The following NFIC variants were observed in gnomAD, a reference collection of about 807,000 sequenced individuals.
NFIC encodes nuclear factor 1 C-type.
A neutral mutation model predicts 54.4 loss-of-function variants in NFIC; 12 were observed. That is an observed-to-expected ratio of 0.22 (90% CI 0.14 to 0.36). The LOEUF is 0.36. Among genes scored for constraint, NFIC ranks in the 10% least tolerant of loss-of-function variants. The pLI is 1.00. For missense variants in NFIC, 575 were observed against 718.2 expected (o/e 0.80, Z 2.28); for synonymous variants, 322 against 319.2 (o/e 1.01, Z -0.09).
In NFIC at chr19:3,459,425, C is replaced by T. The variant is rs772046354; in HGVS notation, c.1509+2790C>T. Reference sequence around the variant, plus strand: ...TTCACGCCCCTACATTTCTCCTGCACGGGAACCCACGTAAGCAGCTGGGTA... The same window carrying T: ...TTCACGCCCCTACATTTCTCCTGCATGGGAACCCACGTAAGCAGCTGGGTA... On this transcript the variant is annotated intron_variant, in intron 10 of 10. Coordinates refer to ENST00000443272, the MANE Select transcript of NFIC (RefSeq NM_001245002.2). The surrounding 1 kb of genome is among the most constrained non-coding windows in gnomAD (Gnocchi z 4.2). Among the ~76,000 whole-genome samples the T allele has an allele frequency of 6.6e-6, 1 of 152,060 alleles. No individual in the cohort carries two copies. Among genetic ancestry groups the T allele is most frequent in the Non-Finnish European group, 1.5e-5 (1 of 68,036 alleles).
rs772596817 is a variant in NFIC at position 3,452,572 on chromosome 19, C to T, written c.1175C>T (p.Thr392Met). 4.3e-6 allele frequency: 7 copies of T among 1,613,908 alleles called. No homozygotes were observed. The highest frequency in any genetic ancestry group is 2.2e-5 in the East Asian group (1 of 44,880). ...ACGGCCTCCACCTACTTCCCCCACA[C>T]GGCCATCCGCTACCCACCTCATCTC... ...PQTASTYFPH[T>M]AIRYPPHLNP... The change falls in exon 8 of 11, where the codon ACG becomes ATG. Residue 392 changes from threonine (T) to methionine (M), a missense_variant. Thr to Met is a moderately conservative substitution (Grantham distance 81). Coordinates refer to ENST00000443272, the MANE Select transcript of NFIC (RefSeq NM_001245002.2). This position sits in a 1 kb window ranked among gnomAD's most constrained non-coding sequence, Gnocchi z 5.3.
At position 3,458,286 on chromosome 19, in the gene NFIC, C is replaced by A. The variant is rs936594399; in HGVS notation, c.1509+1651C>A. Among the ~76,000 whole-genome samples, 2 of 152,208 alleles carry A rather than the reference C, an allele frequency of 1.3e-5. No individual in the cohort carries two copies. The highest frequency in any genetic ancestry group is 1.5e-5 in the Non-Finnish European group (1 of 68,038). Reference sequence around the variant, plus strand: ...TGGTGCTGATGGAGCCCGGCATTACCTCTGCCACCCCCACCCCACATCGCT... The same window carrying A: ...TGGTGCTGATGGAGCCCGGCATTACATCTGCCACCCCCACCCCACATCGCT... On this transcript the variant is annotated intron_variant, in intron 10 of 10. Transcript: ENST00000443272. This position sits in a 1 kb window ranked among gnomAD's most constrained non-coding sequence, Gnocchi z 4.1.
chr19:3,373,180 C>T (rs1039522444), intron 1 of NFIC, among the ~76,000 whole-genome samples: 3 of 152,152 alleles, frequency 2.0e-5, no homozygotes, highest in African/African-American at 7.2e-5. Context: ...TCAGCAAACG[C>T]TCAGCCTGTA....
Position 3,369,292 on chromosome 19 carries a change from C to T in NFIC, c.30+2626C>T, listed in dbSNP as rs938737495. Among the ~76,000 whole-genome samples, 1 of 152,042 alleles carries T rather than the reference C, an allele frequency of 6.6e-6. No individual in the cohort carries two copies. Among genetic ancestry groups the T allele is most frequent in the Admixed American group, 6.6e-5 (1 of 15,252 alleles). On this transcript the variant is annotated intron_variant, in intron 1 of 10. Transcript: ENST00000443272. This position sits in a 1 kb window ranked among gnomAD's most constrained non-coding sequence, Gnocchi z 4.3. ...TGTCTGTCTCTTCATCTCTGTCTCACCTTCCCTTTCTCCTCTGTCTCTGCG... is the reference window on the plus strand; with the variant it reads ...TGTCTGTCTCTTCATCTCTGTCTCATCTTCCCTTTCTCCTCTGTCTCTGCG...
intron 6 of NFIC, among the ~76,000 whole-genome samples, chr19:3,447,247 C>T (rs1432850208): frequency 2.7e-5 from 4 of 148,754 alleles, no homozygotes; most frequent in Admixed American, 6.8e-5. Context: ...TGCAGCGAGC[C>T]GAGATCACGC....
At position 3,469,124 on chromosome 19, in the gene NFIC, G is replaced by A. The variant is rs1033904894; in HGVS notation, c.*6355G>A. 1.3e-5 allele frequency: 2 copies of A among 151,424 alleles called. No individual in the cohort carries two copies. Among genetic ancestry groups the A allele is most frequent in the Non-Finnish European group, 2.9e-5 (2 of 67,904 alleles). 9.4% of individuals were successfully genotyped at this position (151,424 alleles called of 1,614,324 possible). On this transcript the variant is annotated 3_prime_UTR_variant, in exon 11 of 11. Coordinates refer to ENST00000443272, the MANE Select transcript of NFIC (RefSeq NM_001245002.2). ...AAAAAAAAAATGAAAATGAAAAAAG[G>A]GGGATTCCATAAAAGATTCAATAAA...
At chr19:3,364,831 T>C (rs527577232), upstream of NFIC, among the ~76,000 whole-genome samples, 3 of 152,330 alleles carry the variant, frequency 2.0e-5, no homozygotes, top group South Asian at 6.2e-4. Context: ...TTTAAATATC[T>C]GTGAATTTTA....
chr19:3,430,803 G>T, intron 3 of NFIC, among the ~76,000 whole-genome samples: 1 of 151,782 alleles, frequency 6.6e-6, no homozygotes, highest in Non-Finnish European at 1.5e-5. Flanking sequence ...ACTGTGGCAG[G>T]TACTTGTAAT....
In NFIC at chr19:3,463,140, G is replaced by T; in HGVS notation, c.*371G>T. The stretch of plus-strand genomic sequence containing the variant: ...TTCATCTCCTCTCCGCCTGCTGCTC[G>T]GGAAGGACAGACGCCGGCCGCCCGC... On this transcript the variant is annotated 3_prime_UTR_variant, in exon 11 of 11. Transcript: ENST00000443272. 8.9e-7 allele frequency: 1 copy of T among 1,119,242 alleles called. No individual in the cohort carries two copies. Among genetic ancestry groups the T allele is most frequent in the African/African-American group, 1.6e-5 (1 of 60,722 alleles). 69.3% of individuals were successfully genotyped at this position (1,119,242 alleles called of 1,614,324 possible).
rs2082664773 is a variant in NFIC, at chr19:3,463,067, C to T, written c.*298C>T. The T allele has an allele frequency of 7.6e-7, 1 of 1,314,208 alleles. No homozygotes were observed. Among genetic ancestry groups the T allele is most frequent in the Middle Eastern group, 2.9e-4 (1 of 3,428 alleles). 81.4% of individuals were successfully genotyped at this position (1,314,208 alleles called of 1,614,324 possible). ...AAGGCCGCAGGACTGGAGGGCCAGGCCCCGCCACCCCCACGGGAGACCCGG... is the reference window on the plus strand; with the variant it reads ...AAGGCCGCAGGACTGGAGGGCCAGGTCCCGCCACCCCCACGGGAGACCCGG... On this transcript the variant is annotated 3_prime_UTR_variant, in exon 11 of 11. Coordinates refer to ENST00000443272, the MANE Select transcript of NFIC (RefSeq NM_001245002.2).
chr19:3,427,545 G>A (rs2145610277), intron 3 of NFIC, among the ~76,000 whole-genome samples: 1 of 152,086 alleles, frequency 6.6e-6, no homozygotes, highest in Admixed American at 6.6e-5. Context: ...AAAGAAGGAA[G>A]GGGCCAAGTG....
At chr19:3,360,152 C>A (rs1389654546) in intron 1 of NFIC, among the ~76,000 whole-genome samples, 1 of 145,866 alleles carries the variant, frequency 6.9e-6, no homozygotes, top group Non-Finnish European at 1.5e-5. Flanking sequence ...CCGCGGGGTG[C>A]CCCGGCCCGG....
chr19:3,406,499 A>G (rs2145555875), intron 2 of NFIC, among the ~76,000 whole-genome samples: 1 of 151,838 alleles, frequency 6.6e-6, no homozygotes, highest in African/African-American at 2.4e-5. Context: ...AAGTGTTGGG[A>G]TTACAGCGTG....
intron 2 of NFIC, among the ~76,000 whole-genome samples, chr19:3,388,835 C>G (rs1256147955): frequency 1.3e-5 from 1 of 77,204 alleles, no homozygotes; most frequent in Admixed American, 1.4e-4. Context: ...CTCTAAAAAC[C>G]GTTTTTTTTA....
intron 2 of NFIC, among the ~76,000 whole-genome samples, chr19:3,409,510 C>A (rs1254832223): frequency 6.6e-6 from 1 of 152,222 alleles, no homozygotes; most frequent in African/African-American, 2.4e-5. Flanking sequence ...TGCCATCCCC[C>A]CAAGGCCTGG....
At chr19:3,418,013 A>C (rs1859605396) in intron 2 of NFIC, among the ~76,000 whole-genome samples, 1 of 151,386 alleles carries the variant, frequency 6.6e-6, no homozygotes, top group African/African-American at 2.4e-5. Flanking sequence ...GTGCTGTCCA[A>C]CTTGGTCACC....
At chr19:3,403,370 C>CT (rs1246456566) in intron 2 of NFIC, among the ~76,000 whole-genome samples, 2 of 152,188 alleles carry the variant, frequency 1.3e-5, no homozygotes, top group Non-Finnish European at 2.9e-5. Flanking sequence ...AAGCCCCTTC[C>CT]TCTCTCGGAT....
intron 10 of NFIC, among the ~76,000 whole-genome samples, chr19:3,457,416 C>T (rs1466813843): frequency 6.6e-6 from 1 of 151,828 alleles, no homozygotes; most frequent in Non-Finnish European, 1.5e-5. Context: ...GGGAGGGCAG[C>T]CTTAGCCCCA....
chr19:3,412,484 C>T (rs2081779713), intron 2 of NFIC, among the ~76,000 whole-genome samples: 1 of 152,122 alleles, frequency 6.6e-6, no homozygotes. Context: ...AACTCCTGAC[C>T]TCAAGCAATC....
Sources: allele counts gnomAD v4.1 joint callset (sites outside exome capture counted in the v4.1 genomes callset), GRCh38; gene constraint gnomAD v4.1.1; non-coding constraint Gnocchi (gnomAD v3.1); transcripts MANE v1.5; gene names NCBI Gene and HGNC (gene_info 2026-07-23, HGNC 2026-07-21).